The following ASIC2 variants were observed in gnomAD, a reference collection of about 807,000 sequenced individuals.
ASIC2 encodes acid-sensing ion channel 2.
A neutral mutation model predicts 57.3 loss-of-function variants in ASIC2; 25 were observed. The observed-to-expected ratio is 0.44, with a 90% CI of 0.32 to 0.61. The LOEUF is 0.61. Ranked by LOEUF, ASIC2 falls within the 20% of genes least tolerant of loss-of-function variation. ASIC2 has a pLI of 0.06. For missense variants in ASIC2, 641 were observed against 738.1 expected (o/e 0.87, Z 1.52); for synonymous variants, 319 against 307.5 (o/e 1.04, Z -0.39).
At chr17:33,342,881 A>G (rs1015267930) in intron 1 of ASIC2, among the ~76,000 whole-genome samples, 1 of 152,146 alleles carries the variant, frequency 6.6e-6, no homozygotes, top group Non-Finnish European at 1.5e-5. Context: ...AATGGCCAGG[A>G]TAGAGCCAGG....
intron 1 of ASIC2, among the ~76,000 whole-genome samples, chr17:33,448,832 T>C (rs1015211340): frequency 4.6e-5 from 7 of 152,226 alleles, no homozygotes; most frequent in African/African-American, 1.4e-4. Flanking sequence ...CTTGCATAGA[T>C]GCAGAATGGA....
chr17:34,059,113 C>G (rs909664839), intron 1 of ASIC2, among the ~76,000 whole-genome samples: 4 of 152,136 alleles, frequency 2.6e-5, no homozygotes, highest in African/African-American at 9.7e-5. Context: ...CCAAGAGGAC[C>G]CACAGACCCT....
intron 1 of ASIC2, among the ~76,000 whole-genome samples, chr17:33,268,698 C>G (rs36102067): frequency 0.35 from 52,885 of 151,880 alleles, 9,282 homozygotes; most frequent in Admixed American, 0.42. Flanking sequence ...AGAGCACCTA[C>G]CACCGTCCCA....
intron 1 of ASIC2, chr17:33,984,477 T>C (rs774963288): frequency 2.6e-5 from 4 of 152,234 alleles, no homozygotes; most frequent in African/African-American, 7.2e-5. Flanking sequence ...TTAGGTCTCC[T>C]AGTTTCTATT....
chr17:33,697,178 A>G (rs559890718), intron 1 of ASIC2, among the ~76,000 whole-genome samples: 119 of 152,296 alleles, frequency 7.8e-4, no homozygotes, highest in Non-Finnish European at 1.4e-3. Flanking sequence ...TGCTGAGCAG[A>G]TGCCAGCATC....
intron 1 of ASIC2, among the ~76,000 whole-genome samples, chr17:34,075,037 G>C (rs754077832): frequency 6.6e-6 from 1 of 151,998 alleles, no homozygotes; most frequent in Admixed American, 6.6e-5. Flanking sequence ...TGCCCACCTC[G>C]GTCTCCCAAA....
At chr17:33,960,685 G>T (rs1453839818) in intron 1 of ASIC2, among the ~76,000 whole-genome samples, 1 of 152,012 alleles carries the variant, frequency 6.6e-6, no homozygotes, top group Non-Finnish European at 1.5e-5. Flanking sequence ...ATGTACCATT[G>T]TCTCCTGCTT....
At chr17:34,119,447 T>G (rs1007666407) in intron 1 of ASIC2, among the ~76,000 whole-genome samples, 3 of 152,312 alleles carry the variant, frequency 2.0e-5, no homozygotes, top group African/African-American at 7.2e-5. Flanking sequence ...GTTAAATGCA[T>G]TATGCTCCCA....
At chr17:33,791,117 C>T (rs570876152) in intron 1 of ASIC2, among the ~76,000 whole-genome samples, 1 of 152,066 alleles carries the variant, frequency 6.6e-6, no homozygotes, top group Admixed American at 6.5e-5. Flanking sequence ...CAGATTCCAC[C>T]CTTTGGCTGC....
chr17:34,096,281 G>T (rs1007900557), intron 1 of ASIC2, among the ~76,000 whole-genome samples: 1 of 152,196 alleles, frequency 6.6e-6, no homozygotes, highest in African/African-American at 2.4e-5. Flanking sequence ...AGGAGGAGAA[G>T]ACTGGAGGAG....
intron 1 of ASIC2, among the ~76,000 whole-genome samples, chr17:33,875,557 A>G (rs1038216984): frequency 2.0e-5 from 3 of 152,070 alleles, no homozygotes; most frequent in African/African-American, 7.2e-5. Context: ...CTTAACAGCC[A>G]CTCAGTCCCC....
At chr17:33,030,489 C>T (rs1567721374) in intron 3 of ASIC2, among the ~76,000 whole-genome samples, 1 of 152,018 alleles carries the variant, frequency 6.6e-6, no homozygotes, top group Non-Finnish European at 1.5e-5. Flanking sequence ...TTCTTCCTTT[C>T]TAGTCTTTAT....
intron 1 of ASIC2, among the ~76,000 whole-genome samples, chr17:33,871,446 A>G (rs193207829): frequency 4.6e-5 from 7 of 152,182 alleles, no homozygotes; most frequent in Non-Finnish European, 1.0e-4. Flanking sequence ...CTCCCTGCTC[A>G]TCTTCACTTT....
intron 1 of ASIC2, among the ~76,000 whole-genome samples, chr17:33,505,556 T>A (rs1222460027): frequency 2.0e-5 from 3 of 152,220 alleles, no homozygotes; most frequent in Non-Finnish European, 4.4e-5. Flanking sequence ...GACCTAAACC[T>A]TTTTATGGTT....
chr17:33,229,489 G>C (rs967863227), intron 1 of ASIC2, among the ~76,000 whole-genome samples: 6 of 152,286 alleles, frequency 3.9e-5, no homozygotes, highest in African/African-American at 1.4e-4. Flanking sequence ...TTCCACCTGT[G>C]GGAGGACGCT....
chr17:33,045,000 G>A (rs757075), intron 3 of ASIC2, among the ~76,000 whole-genome samples: 7,592 of 152,072 alleles, frequency 0.05, 268 homozygotes, highest in African/African-American at 0.1. Context: ...GAGATACAGA[G>A]GTATAAAGAG....
At chr17:34,107,149 T>G (rs964966184) in intron 1 of ASIC2, among the ~76,000 whole-genome samples, 9 of 152,248 alleles carry the variant, frequency 5.9e-5, no homozygotes, top group African/African-American at 2.2e-4. Flanking sequence ...TCCTGTCCCA[T>G]AGTATGTTTG....
rs78664342 is a variant in ASIC2, at chr17:33,838,187, C to T, written c.555+317791G>A. Among the ~76,000 whole-genome samples the T allele has an allele frequency of 3.7e-3, 566 of 152,252 alleles. 5 individuals carry two copies. The highest frequency in any genetic ancestry group is 9.9e-3 in the Admixed American group (152 of 15,288). ...GGGCAACTTTATCTCTGCATCTTCA[C>T]AGGGATTTGCACACAGATGCTTCAT... On this transcript the variant is annotated intron_variant, in intron 1 of 9. Coordinates refer to the ASIC2 transcript ENST00000359872.
chr17:33,370,310 C>T (rs1353704033), intron 1 of ASIC2, among the ~76,000 whole-genome samples: 1 of 152,204 alleles, frequency 6.6e-6, no homozygotes. Flanking sequence ...AACACCACCC[C>T]CAACCCCAAC....
Sources: allele counts gnomAD v4.1 joint callset (sites outside exome capture counted in the v4.1 genomes callset), GRCh38; gene constraint gnomAD v4.1.1; transcripts MANE v1.5; gene names NCBI Gene and HGNC (gene_info 2026-07-23, HGNC 2026-07-21).